SPPL2A: variants seen among roughly 807,000 people sequenced by gnomAD.
The protein encoded by SPPL2A is signal peptide peptidase like 2A, also known as signal peptide peptidase-like 2A.
In SPPL2A, 51 loss-of-function variants were observed where a neutral mutation model predicts 63.8. The observed-to-expected ratio is 0.80, with a 90% CI of 0.64 to 1.01. The LOEUF (loss-of-function observed/expected upper bound fraction) is 1.01. Ranked by LOEUF, SPPL2A falls within the 50% of genes least tolerant of loss-of-function variation. The probability of loss-of-function intolerance (pLI) is 0.00; values close to 1 mark genes in which losing one functional copy is unlikely to be tolerated. For synonymous variants in SPPL2A, 188 were observed against 205.8 expected (o/e 0.91, Z 0.74); for missense variants, 553 against 622.7 (o/e 0.89, Z 1.19).
At chr15:50,708,711 A>AG (rs2141015597) in intron 14 of SPPL2A, among the ~76,000 whole-genome samples, 1 of 151,200 alleles carries the variant, frequency 6.6e-6, no homozygotes, top group Non-Finnish European at 1.5e-5. Flanking sequence ...TCAAAAAAAA[A>AG]AAAAAATACA....
chr15:50,748,399 T>C lies in SPPL2A; in HGVS notation c.361-197A>G, dbSNP rs1321495355. On this transcript the variant is annotated intron_variant, in intron 3 of 14. Transcript: ENST00000261854. ...AAACTGATAAATGCTATAATATATA[T>C]AGCATTTATGATATATTCATATTAC... Among the ~76,000 whole-genome samples, 5 of 151,582 alleles carry C rather than the reference T, an allele frequency of 3.3e-5. No individual in the cohort carries two copies. In the East Asian group the frequency reaches 5.8e-4, roughly 18 times the overall value.
intron 9 of SPPL2A, 132 bp downstream of exon 9, chr15:50,732,471 G>C: frequency 1.7e-6 from 1 of 605,730 alleles, no homozygotes; most frequent in South Asian, 2.2e-5. Context: ...TGGTTATAAA[G>C]TTACACATTC....
At chr15:50,729,212 CAAAGTGTTGGGATTAT>C (rs2141032935) in intron 10 of SPPL2A, among the ~76,000 whole-genome samples, 1 of 152,332 alleles carries the variant, frequency 6.6e-6, no homozygotes, top group African/African-American at 2.4e-5. Context: ...CTTGGCCTCC[CAAAGTGTTGGGATTAT>C]AGGCATTAGC....
At chr15:50,713,550 C>G (rs922610297) in intron 14 of SPPL2A, among the ~76,000 whole-genome samples, 1 of 151,954 alleles carries the variant, frequency 6.6e-6, no homozygotes, top group African/African-American at 2.4e-5. Context: ...CAGGAGTGAG[C>G]CACCGCGCCC....
chr15:50,730,182 C>G (rs1567156403), intron 10 of SPPL2A, among the ~76,000 whole-genome samples: 1 of 152,000 alleles, frequency 6.6e-6, no homozygotes, highest in Non-Finnish European at 1.5e-5. Context: ...AAAAGCTTGA[C>G]AAATAATTAA....
At chr15:50,741,296 T>G (rs1390819152) in intron 5 of SPPL2A, among the ~76,000 whole-genome samples, 2 of 151,390 alleles carry the variant, frequency 1.3e-5, no homozygotes, top group African/African-American at 4.9e-5. Flanking sequence ...CTGGGCTCAA[T>G]ATAAAATTTA....
intron 6 of SPPL2A, 84 bp from the exon 7 acceptor site, chr15:50,736,824 A>G (rs2062774863): frequency 4.5e-6 from 3 of 661,056 alleles, no homozygotes; most frequent in Non-Finnish European, 8.1e-6. Context: ...TTAATTCTTT[A>G]CTTTCTTTAT....
In SPPL2A at chr15:50,749,736, T is replaced by C. The variant is rs770008254; in HGVS notation, c.77A>G (p.Gln26Arg). Residue 26 changes from glutamine to arginine, a missense_variant, in exon 2 of 15, where the codon CAG becomes CGG. Gln to Arg is a conservative substitution (Grantham distance 43). Coordinates refer to ENST00000261854, the MANE Select transcript of SPPL2A (RefSeq NM_032802.4). ...WGFLLQLTAAQEAILHASGNG... is the reference protein window; with the variant it reads ...WGFLLQLTAAREAILHASGNG... ...TCCAGACGCATGCAAGATTGCTTCC[T>C]GAGCGGCTGTCTAGGAGACAAACAA... 6.8e-6 allele frequency: 11 copies of C among 1,610,464 alleles called. No individual in the cohort carries two copies. In the East Asian group the frequency reaches 1.1e-4, roughly 16 times the overall value.
At chr15:50,735,679 G>A (rs540174508) in intron 8 of SPPL2A, among the ~76,000 whole-genome samples, 7 of 152,058 alleles carry the variant, frequency 4.6e-5, no homozygotes, top group East Asian at 1.9e-4. Flanking sequence ...GGGTTCAAGC[G>A]ATTCTCCTGC....
At chr15:50,744,611 T>G (rs2062844587) in intron 5 of SPPL2A, among the ~76,000 whole-genome samples, 1 of 152,222 alleles carries the variant, frequency 6.6e-6, no homozygotes, top group Non-Finnish European at 1.5e-5. Flanking sequence ...AAAATCTGAA[T>G]TTTATGTACA....
chr15:50,755,061 T>C (rs1375477398), intron 1 of SPPL2A, among the ~76,000 whole-genome samples: 4 of 151,992 alleles, frequency 2.6e-5, no homozygotes, highest in African/African-American at 9.7e-5. Context: ...GGCCCACACC[T>C]GTAATCCCAG....
intron 1 of SPPL2A, among the ~76,000 whole-genome samples, chr15:50,762,899 A>ATTT (rs34293425): frequency 6.9e-6 from 1 of 143,970 alleles, no homozygotes; most frequent in Non-Finnish European, 1.5e-5. Context: ...CGCCCGGCTA[A>ATTT]TTTTTTTTTT....
rs1596371187 is a variant in SPPL2A, at chr15:50,705,305, A to C, written c.*2495T>G. ...TAGTGAGCCAAGATCTTGCTACTGCACTCCAGCCTGGGTGACAGAGGGAGA... is the reference window on the plus strand; with the variant it reads ...TAGTGAGCCAAGATCTTGCTACTGCCCTCCAGCCTGGGTGACAGAGGGAGA... On this transcript the variant is annotated 3_prime_UTR_variant, in exon 15 of 15. Transcript: ENST00000261854. The C allele has an allele frequency of 6.6e-6, 1 of 150,536 alleles. No individual in the cohort carries two copies. The allele number at this position is 150,536 out of a possible 1,614,324, so 9.3% of individuals were successfully genotyped here. A position where few individuals can be genotyped will look rare whatever the true frequency, so the allele number is the denominator to read the frequency against.
At chr15:50,759,197 C>T (rs1334273743) in intron 1 of SPPL2A, among the ~76,000 whole-genome samples, 1 of 152,120 alleles carries the variant, frequency 6.6e-6, no homozygotes, top group African/African-American at 2.4e-5. Context: ...AGCCACCATG[C>T]CTGGCCAACT....
Position 50,730,969 on chromosome 15 carries a change from G to A in SPPL2A, c.1085C>T (p.Thr362Ile), listed in dbSNP as rs779381048. The change falls in exon 10 of 15, where the codon ACA (threonine) becomes ATA (isoleucine). Residue 362 changes from threonine to isoleucine, a missense_variant. By Grantham distance (89) the Thr-to-Ile change is moderately conservative. Coordinates refer to ENST00000261854, the MANE Select transcript of SPPL2A (RefSeq NM_032802.4). ...VFFVFITPFI[T>I]KNGESIMVEL... ...ATTTCAAAAATATGGTCATACCTTT[G>A]TGATGAATGGTGTTATGAAAACAAA... 1.5e-6 allele frequency: 2 copies of A among 1,295,018 alleles called. No homozygotes were observed. The highest frequency in any genetic ancestry group is 2.4e-5 in the South Asian group (2 of 83,352). 80.2% of individuals were successfully genotyped at this position (1,295,018 alleles called of 1,614,324 possible). A position where few individuals can be genotyped will look rare whatever the true frequency, so the allele number is the denominator to read the frequency against.
intron 14 of SPPL2A, among the ~76,000 whole-genome samples, chr15:50,708,503 C>T (rs552023375): frequency 7.2e-5 from 11 of 151,864 alleles, no homozygotes; most frequent in Admixed American, 3.9e-4. Context: ...GTCAGGAGTT[C>T]GAGACCAGCC....
chr15:50,720,963 G>T (rs1332240161), intron 13 of SPPL2A, among the ~76,000 whole-genome samples: 1 of 152,174 alleles, frequency 6.6e-6, no homozygotes, highest in African/African-American at 2.4e-5. Flanking sequence ...GTACACAGGA[G>T]AATTAATGAA....
chr15:50,714,305 C>T (rs941420127), intron 14 of SPPL2A, among the ~76,000 whole-genome samples: 1 of 152,194 alleles, frequency 6.6e-6, no homozygotes, highest in African/African-American at 2.4e-5. Flanking sequence ...GTGTTCTTTC[C>T]CTTTGTAGGT....
At chr15:50,712,963 C>T (rs986980740) in intron 14 of SPPL2A, among the ~76,000 whole-genome samples, 2 of 152,046 alleles carry the variant, frequency 1.3e-5, no homozygotes, top group East Asian at 3.9e-4. Flanking sequence ...GGATTACAGG[C>T]ATGAGCCATC....
Sources: allele counts gnomAD v4.1 joint callset (sites outside exome capture counted in the v4.1 genomes callset), GRCh38; gene constraint gnomAD v4.1.1; transcripts MANE v1.5; gene names NCBI Gene and HGNC (gene_info 2026-07-23, HGNC 2026-07-21).